DNAAF11: variants seen among roughly 807,000 people sequenced by gnomAD.
DNAAF11 encodes dynein axonemal assembly factor 11.
In DNAAF11, 45 loss-of-function variants were observed where a neutral mutation model predicts 60.8. The observed-to-expected ratio is 0.74, with a 90% confidence interval of 0.58 to 0.95. DNAAF11 has a LOEUF of 0.95. Ranked by LOEUF, DNAAF11 falls within the 40% of genes least tolerant of loss-of-function variation. The pLI is 0.00. For missense variants in DNAAF11, 546 were observed against 546.2 expected, an observed-to-expected ratio of 1.00 and a Z score of 0.00; for synonymous variants, 191 against 183.5, an observed-to-expected ratio of 1.04 and a Z score of -0.33.
chr8:132,604,707 G>T (rs1256443737), intron 10 of DNAAF11, among the ~76,000 whole-genome samples: 1 of 152,082 alleles, frequency 6.6e-6, no homozygotes, highest in Admixed American at 6.6e-5. Context: ...ACATTTTAAA[G>T]AACTTGGAAT....
At chr8:132,700,352 A>C in the DNAAF11 span, among the ~76,000 whole-genome samples, 1 of 152,086 alleles carries the variant, frequency 6.6e-6, no homozygotes, top group Non-Finnish European at 1.5e-5. Flanking sequence ...CCTTCCTCTC[A>C]TCACCAGCTG....
At chr8:132,672,997 G>C (rs1825332452) in intron 1 of DNAAF11, among the ~76,000 whole-genome samples, 1 of 152,090 alleles carries the variant, frequency 6.6e-6, no homozygotes, top group Non-Finnish European at 1.5e-5. Flanking sequence ...AAAGGCAGCG[G>C]AAAAAAGGGC....
chr8:132,613,887 G>C (rs1014248367), intron 8 of DNAAF11, among the ~76,000 whole-genome samples: 1 of 152,026 alleles, frequency 6.6e-6, no homozygotes, highest in Non-Finnish European at 1.5e-5. Flanking sequence ...AAAGAGAAAG[G>C]CATTTATTAT....
chr8:132,584,089 G>A (rs1815631030), intron 10 of DNAAF11, among the ~76,000 whole-genome samples: 1 of 152,066 alleles, frequency 6.6e-6, no homozygotes, highest in Admixed American at 6.6e-5. Flanking sequence ...ACTTTTGTGG[G>A]GTGTTGGGGA....
chr8:132,680,376 T>C (rs1466028082), upstream of DNAAF11, among the ~76,000 whole-genome samples: 3 of 151,880 alleles, frequency 2.0e-5, no homozygotes, highest in Admixed American at 2.0e-4. Context: ...TTAAAGAGAG[T>C]GTGTGTGCTT....
chr8:132,684,904 G>C, the DNAAF11 span: 4 of 152,152 alleles, frequency 2.6e-5, 1 homozygote, highest in Admixed American at 2.6e-4. Context: ...AGAACCAAAG[G>C]GTGAAGGAAA....
chr8:132,602,037 T>A lies in DNAAF11; in HGVS notation c.1140+8129A>T, dbSNP rs191360160. ...TGTGTTCTTACTGTCTTCGTTAATA[T>A]TTTTTTTTCTCTATGCTTCATTCTG... is the stretch of plus-strand genomic sequence containing the variant. On this transcript the variant is annotated intron_variant, in intron 10 of 11. Transcript: ENST00000620350. 5.8e-3 allele frequency among the ~76,000 whole-genome samples: 873 copies of A among 151,670 alleles called. 13 individuals carry two copies. Among genetic ancestry groups the A allele is most frequent in the African/African-American group, 0.02 (840 of 41,394 alleles).
intron 4 of DNAAF11, among the ~76,000 whole-genome samples, chr8:132,637,246 A>G (rs1821396860): frequency 6.6e-6 from 1 of 152,078 alleles, no homozygotes; most frequent in Non-Finnish European, 1.5e-5. Context: ...TGACCCAGAA[A>G]CCCTGGGGGA....
At chr8:132,688,125 G>T in the DNAAF11 span, among the ~76,000 whole-genome samples, 1 of 152,104 alleles carries the variant, frequency 6.6e-6, no homozygotes, top group African/African-American at 2.4e-5. Context: ...AATACATAGA[G>T]CCCTCATGAC....
At chr8:132,696,012 T>C in the DNAAF11 span, among the ~76,000 whole-genome samples, 1 of 152,106 alleles carries the variant, frequency 6.6e-6, no homozygotes, top group African/African-American at 2.4e-5. Flanking sequence ...GCTGGAAAGA[T>C]GGTGATGGTT....
upstream of DNAAF11, among the ~76,000 whole-genome samples, chr8:132,679,453 A>G (rs931457685): frequency 7.9e-5 from 12 of 152,218 alleles, no homozygotes; most frequent in Non-Finnish European, 1.2e-4. Flanking sequence ...CAGGCTTACC[A>G]GGAAGTGTAC....
At chr8:132,589,368 T>A (rs1816232163) in intron 10 of DNAAF11, among the ~76,000 whole-genome samples, 1 of 152,134 alleles carries the variant, frequency 6.6e-6, no homozygotes, top group Non-Finnish European at 1.5e-5. Flanking sequence ...GGACTTTGCA[T>A]AAGTGGTGAT....
chr8:132,678,926 GTTCA>G (rs1028404312), upstream of DNAAF11, among the ~76,000 whole-genome samples: 2 of 152,148 alleles, frequency 1.3e-5, no homozygotes, highest in East Asian at 3.9e-4. Flanking sequence ...CAAGTATTCT[GTTCA>G]TTCATTCATA....
At chr8:132,672,643 T>C (rs66680435) in intron 1 of DNAAF11, among the ~76,000 whole-genome samples, 9,409 of 152,232 alleles carry the variant, frequency 0.062, 385 homozygotes, top group Non-Finnish European at 0.083. Flanking sequence ...AAGATTTTTG[T>C]GAGAATTCAA....
At chr8:132,695,881 G>A in the DNAAF11 span, among the ~76,000 whole-genome samples, 3 of 152,182 alleles carry the variant, frequency 2.0e-5, no homozygotes, top group Admixed American at 2.0e-4. Flanking sequence ...TTTATTGACA[G>A]CACATGGAAT....
At chr8:132,672,019 T>A (rs1035219537) in intron 1 of DNAAF11, among the ~76,000 whole-genome samples, 1 of 152,130 alleles carries the variant, frequency 6.6e-6, no homozygotes, top group African/African-American at 2.4e-5. Context: ...CTTCAAAATT[T>A]AAATCTTCTC....
At chr8:132,583,907 C>G (rs902933715) in intron 10 of DNAAF11, 128 bp from the exon 11 acceptor site, 18 of 670,240 alleles carry the variant, frequency 2.7e-5, no homozygotes, top group South Asian at 2.1e-4. Flanking sequence ...CCATGAAAGA[C>G]TCAAACTTGA....
In DNAAF11 at chr8:132,632,967, A is replaced by G; in HGVS notation, c.430-4T>C. The stretch of plus-strand genomic sequence containing the variant: ...CTATTTCTTTACCATCCAACCACTT[A>G]AAGAAAAACAATAAATATAGTACAA... On this transcript the variant is annotated splice_polypyrimidine_tract_variant and splice_region_variant and intron_variant, in intron 4 of 11. Coordinates refer to ENST00000620350, the MANE Select transcript of DNAAF11 (RefSeq NM_012472.6). The G allele has an allele frequency of 6.3e-7, 1 of 1,594,138 alleles. No homozygotes were observed. Among genetic ancestry groups the G allele is most frequent in the Non-Finnish European group, 8.6e-7 (1 of 1,163,208 alleles).
chr8:132,599,972 G>A (rs1436406668), intron 10 of DNAAF11, among the ~76,000 whole-genome samples: 1 of 152,148 alleles, frequency 6.6e-6, no homozygotes, highest in Non-Finnish European at 1.5e-5. Context: ...AGGAAAAGAG[G>A]AAGTCAAATT....
Sources: gnomAD v4.1 joint callset for allele counts (sites outside exome capture counted in the v4.1 genomes callset) on GRCh38, gnomAD v4.1.1 for gene constraint, MANE v1.5 for transcripts, NCBI Gene and HGNC (gene_info 2026-07-23, HGNC 2026-07-21) for gene names.